The following HDAC1 variants were observed in gnomAD, a reference collection of about 807,000 sequenced individuals.
The protein encoded by HDAC1 is protein deacetylase HDAC1.
In HDAC1, 18 loss-of-function variants were observed where a neutral mutation model predicts 65.5. The ratio of observed to expected loss-of-function variants is 0.27; its 90% CI spans 0.19 to 0.41. The LOEUF (loss-of-function observed/expected upper bound fraction) is 0.41, where lower values mean the gene tolerates loss of function less well. Among genes scored for constraint, HDAC1 ranks in the 10% least tolerant of loss-of-function variants. The pLI is 1.00. For missense variants in HDAC1, 373 were observed against 625.2 expected (o/e 0.60, Z 4.30); for synonymous variants, 211 against 227.9 (o/e 0.93, Z 0.67).
At position 32,298,870 on chromosome 1, in the gene HDAC1, T is replaced by C. The variant is rs573879225; in HGVS notation, c.50-3751T>C. ...AAACTTAGCCAGGCGTGGTGGCACA[T>C]GTCTGTAATCCCAGCTACTCAGGAG... On this transcript the variant is annotated intron_variant, in intron 1 of 13. Transcript: ENST00000373548. 6.6e-5 allele frequency among the ~76,000 whole-genome samples: 10 copies of C among 152,200 alleles called. No homozygotes were observed. The East Asian group carries it at 1.9e-3, about 30-fold the overall frequency.
chr1:32,294,287 T>C (rs990596679), intron 1 of HDAC1, among the ~76,000 whole-genome samples: 1 of 151,506 alleles, frequency 6.6e-6, no homozygotes, highest in Non-Finnish European at 1.5e-5. Context: ...TAGCTGGGAT[T>C]ACAGGCGTGC....
chr1:32,299,594 C>T (rs1034435959), intron 1 of HDAC1, among the ~76,000 whole-genome samples: 3 of 152,142 alleles, frequency 2.0e-5, no homozygotes, highest in African/African-American at 7.2e-5. Flanking sequence ...AAGGCTCATG[C>T]CTTTTTTTCA....
intron 2 of HDAC1, among the ~76,000 whole-genome samples, chr1:32,304,814 T>C (rs753891951): frequency 2.9e-4 from 44 of 152,126 alleles, no homozygotes; most frequent in Non-Finnish European, 3.2e-4. Flanking sequence ...TCCGCCTGCC[T>C]CGGCCTCCCA....
intron 1 of HDAC1, among the ~76,000 whole-genome samples, chr1:32,299,175 TAAGG>T (rs1640812218): frequency 6.6e-6 from 1 of 152,160 alleles, no homozygotes; most frequent in Admixed American, 6.6e-5. Context: ...GGTGGAATTC[TAAGG>T]AAGTGGACAG....
chr1:32,332,168 A>C lies in HDAC1; in HGVS notation c.1298A>C (p.Asn433Thr). The C allele has an allele frequency of 6.2e-7, 1 of 1,613,628 alleles. No homozygotes were observed. The highest frequency in any genetic ancestry group is 8.5e-7 in the Non-Finnish European group (1 of 1,179,670). The part of the protein sequence containing the change: ...SEEEGEGGRK[N>T]SSNFKKAKRV... The stretch of plus-strand genomic sequence containing the variant: ...GAGGAGGGAGAGGGGGGCCGCAAGA[A>C]CTCTTCCAACTTCAAAAAAGCCAAG... Residue 433 changes from asparagine (N) to threonine (T), a missense_variant, in exon 12 of 14, where the codon AAC (asparagine) becomes ACC (threonine). Physicochemically the swap from Asn to Thr is moderately conservative, Grantham distance 65 (BLOSUM62 0). This residue lies in a region of HDAC1 where 126 missense variants were observed against 126.2 expected (regional missense o/e 1.00). Transcript: ENST00000373548.
Position 32,312,718 on chromosome 1 carries a change from C to T in HDAC1, c.163-3947C>T, listed in dbSNP as rs1381043153. Among the ~76,000 whole-genome samples the T allele has an allele frequency of 2.6e-5, 4 of 151,932 alleles. No individual in the cohort carries two copies. The East Asian group carries it at 7.7e-4, about 29-fold the overall frequency. ...TGAGACAGAGTCTCGCTCTGTCGCC[C>T]AGGCTGGAGTGCAGTGGCACAATCT... On this transcript the variant is annotated intron_variant, in intron 2 of 13. Transcript: ENST00000373548.
At position 32,332,766 on chromosome 1, in the gene HDAC1, C is replaced by A. The variant is rs1026273261; in HGVS notation, c.1421+17C>A. The stretch of plus-strand genomic sequence containing the variant: ...AGCCAAAGGGTGAGGAAGGAGCTGC[C>A]TGTGGCCATCTCCCTGGCATTGGAG... On this transcript the variant is annotated intron_variant, in intron 13 of 13. Transcript: ENST00000373548. The A allele has an allele frequency of 6.5e-7, 1 of 1,549,378 alleles. No homozygotes were observed.
intron 2 of HDAC1, among the ~76,000 whole-genome samples, chr1:32,307,758 G>A (rs1640931028): frequency 1.3e-5 from 2 of 152,310 alleles, no homozygotes; most frequent in Non-Finnish European, 2.9e-5. Flanking sequence ...GTCCTGGGAT[G>A]AAGATGGATT....
intron 3 of HDAC1, among the ~76,000 whole-genome samples, chr1:32,322,754 C>G (rs1557609432): frequency 6.6e-6 from 1 of 152,212 alleles, no homozygotes; most frequent in East Asian, 1.9e-4. Context: ...CTTTACTCCA[C>G]TTGTCACTGT....
chr1:32,331,886 C>T lies in HDAC1; in HGVS notation c.1219+80C>T. On this transcript the variant is annotated intron_variant, in intron 11 of 13. Transcript: ENST00000373548. The surrounding 1 kb of genome is among the most constrained non-coding windows in gnomAD (Gnocchi z 4.2). ...CCACCACCATTCCTGGCTGCACACTCCCTCCAAGCTCCCCACCTGTAGAGA... is the reference window on the plus strand; with the variant it reads ...CCACCACCATTCCTGGCTGCACACTTCCTCCAAGCTCCCCACCTGTAGAGA... The T allele has an allele frequency of 6.6e-7, 1 of 1,507,280 alleles. No homozygotes were observed. Among genetic ancestry groups the T allele is most frequent in the South Asian group, 1.3e-5 (1 of 78,936 alleles). The allele number at this position is 1,507,280 out of a possible 1,614,324, so 93.4% of individuals were successfully genotyped here.
rs936324030 is a variant in HDAC1, at chr1:32,302,562, G to A, written c.50-59G>A. Reference sequence around the variant, plus strand: ...GGGAGTTCGCTGTAAAAATTCCTGGGTTCTCCTGGTAGTGTATGCCTAACT... The same window carrying A: ...GGGAGTTCGCTGTAAAAATTCCTGGATTCTCCTGGTAGTGTATGCCTAACT... On this transcript the variant is annotated intron_variant, in intron 1 of 13. Transcript: ENST00000373548. 8.5e-6 allele frequency: 7 copies of A among 827,714 alleles called. No homozygotes were observed. The East Asian group carries it at 1.5e-4, about 17-fold the overall frequency. The allele number at this position is 827,714 out of a possible 1,614,324, so 51.3% of individuals were successfully genotyped here. A position where few individuals can be genotyped will look rare whatever the true frequency, so the allele number is the denominator to read the frequency against.
Position 32,327,205 on chromosome 1 carries a change from T to C in HDAC1, c.494+128T>C. The C allele has an allele frequency of 1.1e-6, 1 of 892,124 alleles. No individual in the cohort carries two copies. Among genetic ancestry groups the C allele is most frequent in the South Asian group, 1.6e-5 (1 of 63,528 alleles). The allele number at this position is 892,124 out of a possible 1,614,324, so 55.3% of individuals were successfully genotyped here. A position where few individuals can be genotyped will look rare whatever the true frequency, so the allele number is the denominator to read the frequency against. On this transcript the variant is annotated intron_variant, in intron 5 of 13. Coordinates refer to ENST00000373548, the MANE Select transcript of HDAC1 (RefSeq NM_004964.3). This position sits in a 1 kb window ranked among gnomAD's most constrained non-coding sequence, Gnocchi z 6.0. ...TGCTGGCTAGGATGTGCTCGGTGAG[T>C]GTCTCTGGCCATCATCTCCTTGATG... is the stretch of plus-strand genomic sequence containing the variant.
At chr1:32,325,139 G>C (rs777824716) in intron 4 of HDAC1, among the ~76,000 whole-genome samples, 1 of 152,146 alleles carries the variant, frequency 6.6e-6, no homozygotes, top group Admixed American at 6.6e-5. Context: ...GTACGTAAAA[G>C]CAATTTGTGA....
rs1641298062 is a variant in HDAC1, at chr1:32,331,946, G to A, written c.1219+140G>A. The A allele has an allele frequency of 7.1e-7, 1 of 1,402,020 alleles. No individual in the cohort carries two copies. 86.8% of individuals were successfully genotyped at this position (1,402,020 alleles called of 1,614,324 possible). A position where few individuals can be genotyped will look rare whatever the true frequency, so the allele number is the denominator to read the frequency against. On this transcript the variant is annotated intron_variant, in intron 11 of 13. Coordinates refer to ENST00000373548, the MANE Select transcript of HDAC1 (RefSeq NM_004964.3). This position sits in a 1 kb window ranked among gnomAD's most constrained non-coding sequence, Gnocchi z 4.2. ...TCGAGTTCCAGTGCCTGTAGGAACAGGTTAGGGAGCCCGAGTTCCTCCCTC... is the reference window on the plus strand; with the variant it reads ...TCGAGTTCCAGTGCCTGTAGGAACAAGTTAGGGAGCCCGAGTTCCTCCCTC...
intron 3 of HDAC1, among the ~76,000 whole-genome samples, chr1:32,323,785 G>A (rs191094289): frequency 1.8e-4 from 28 of 152,260 alleles, no homozygotes; most frequent in Admixed American, 3.3e-4. Flanking sequence ...CGCATGTAGC[G>A]CAGTGTCTGG....
At chr1:32,316,900 C>G in intron 3 of HDAC1, 118 bp downstream of exon 3, 1 of 715,032 alleles carries the variant, frequency 1.4e-6, no homozygotes, top group Non-Finnish European at 2.5e-6. Context: ...ATTTCCCCTA[C>G]CTCCTAAAGG....
rs1181306768 is a variant in HDAC1, at chr1:32,329,293, C to CTGGATTGCT, written c.729+134_729+142dup. On this transcript the variant is annotated intron_variant, in intron 7 of 13. Transcript: ENST00000373548. The surrounding 1 kb of genome is among the most constrained non-coding windows in gnomAD (Gnocchi z 4.1). ...GTGGGGAGATAGAAGTGTTTGAACC[C>CTGGATTGCT]TGGATTGCTGTGTGGTCAGTTAGGG... 1 of 690,724 alleles carries CTGGATTGCT rather than the reference C, an allele frequency of 1.4e-6. No individual in the cohort carries two copies. The highest frequency in any genetic ancestry group is 2.7e-6 in the Non-Finnish European group (1 of 377,350). 42.8% of individuals were successfully genotyped at this position (690,724 alleles called of 1,614,324 possible).
intron 3 of HDAC1, among the ~76,000 whole-genome samples, chr1:32,317,172 T>C (rs1641076499): frequency 6.6e-6 from 1 of 152,196 alleles, no homozygotes; most frequent in Non-Finnish European, 1.5e-5. Context: ...CTGATTTCTG[T>C]CCAACTGTAA....
chr1:32,307,185 C>T (rs182646965), intron 2 of HDAC1, among the ~76,000 whole-genome samples: 1 of 152,242 alleles, frequency 6.6e-6, no homozygotes, highest in East Asian at 1.9e-4. Flanking sequence ...GCAGAGGTTG[C>T]AGTGAGCTGA....
Sources: allele counts gnomAD v4.1 joint callset (sites outside exome capture counted in the v4.1 genomes callset), GRCh38; gene constraint gnomAD v4.1.1; regional missense constraint gnomAD v4.1.1; non-coding constraint Gnocchi (gnomAD v3.1); transcripts MANE v1.5; gene names NCBI Gene and HGNC (gene_info 2026-07-23, HGNC 2026-07-21).